Variants in GRM1 observed in about 807,000 individuals in gnomAD.
The protein encoded by GRM1 is metabotropic glutamate receptor 1.
In GRM1, 33 loss-of-function variants were observed where a neutral mutation model predicts 90.9. The ratio of observed to expected loss-of-function variants is 0.36; its 90% CI spans 0.28 to 0.49. The LOEUF is 0.49. Among genes scored for constraint, GRM1 ranks in the 20% least tolerant of loss-of-function variants. GRM1 has a pLI of 0.99. For synonymous variants in GRM1, 700 were observed against 613.2 expected (o/e 1.14, Z -2.09); for missense variants, 1,190 against 1,534.3 (o/e 0.78, Z 3.75).
chr6:146,334,489 G>A (rs566211946), intron 3 of GRM1, among the ~76,000 whole-genome samples: 19 of 152,274 alleles, frequency 1.2e-4, no homozygotes, highest in African/African-American at 4.6e-4. Flanking sequence ...TCTTCTGCAT[G>A]GGCACAGAAC....
intron 3 of GRM1, among the ~76,000 whole-genome samples, chr6:146,345,377 T>C (rs1785146300): frequency 1.3e-5 from 2 of 152,228 alleles, no homozygotes; most frequent in Admixed American, 6.5e-5. Context: ...GGATTTACAA[T>C]GTTAATGCCA....
chr6:146,275,178 A>AAAAAC (rs751270956), intron 2 of GRM1, among the ~76,000 whole-genome samples: 235 of 152,314 alleles, frequency 1.5e-3, no homozygotes, highest in Non-Finnish European at 2.6e-3. Context: ...ACAGAGAGAG[A>AAAAAC]AAAACAAAAC....
chr6:146,370,793 C>A (rs1490665916), intron 5 of GRM1, among the ~76,000 whole-genome samples: 1 of 152,144 alleles, frequency 6.6e-6, no homozygotes, highest in East Asian at 1.9e-4. Flanking sequence ...ATCTACACGT[C>A]CCCTCATTTG....
chr6:146,090,740 A>G lies in GRM1; in HGVS notation c.700+60523A>G, dbSNP rs1024469029. On this transcript the variant is annotated intron_variant, in intron 1 of 7. Coordinates refer to ENST00000282753, the MANE Select transcript of GRM1 (RefSeq NM_001278064.2). Reference sequence around the variant, plus strand: ...TGACGATAAAAGCCACAGAAATCCAATGAAGTCCAAACCCAGGTGGCTTAA... The same window carrying G: ...TGACGATAAAAGCCACAGAAATCCAGTGAAGTCCAAACCCAGGTGGCTTAA... 3.9e-5 allele frequency among the ~76,000 whole-genome samples: 6 copies of G among 152,018 alleles called. No homozygotes were observed. The South Asian group carries it at 6.2e-4, about 16-fold the overall frequency.
chr6:146,428,402 T>G (rs1424702163), intron 7 of GRM1, among the ~76,000 whole-genome samples: 1 of 152,212 alleles, frequency 6.6e-6, no homozygotes, highest in East Asian at 1.9e-4. Flanking sequence ...ACTGTAATTT[T>G]TATTGCAATT....
chr6:146,061,119 C>T (rs1269131150), intron 1 of GRM1, among the ~76,000 whole-genome samples: 1 of 152,084 alleles, frequency 6.6e-6, no homozygotes, highest in African/African-American at 2.4e-5. Flanking sequence ...AAACATACAA[C>T]ATTTATTGAT....
At chr6:146,134,539 C>A (rs1339802212) in intron 1 of GRM1, among the ~76,000 whole-genome samples, 1 of 152,096 alleles carries the variant, frequency 6.6e-6, no homozygotes, top group Admixed American at 6.6e-5. Flanking sequence ...GCAAACATGT[C>A]CTTCTTCACA....
intron 6 of GRM1, among the ~76,000 whole-genome samples, chr6:146,392,867 A>T (rs35384367): frequency 1.3e-5 from 2 of 152,174 alleles, no homozygotes; most frequent in Non-Finnish European, 2.9e-5. Context: ...ACATTAACTC[A>T]TTCTTTTTAT....
chr6:146,301,817 C>T (rs1157249442), intron 2 of GRM1, among the ~76,000 whole-genome samples: 2 of 152,038 alleles, frequency 1.3e-5, no homozygotes, highest in Non-Finnish European at 1.5e-5. Context: ...TTGAGCCTTT[C>T]TGAGCAGACT....
At chr6:146,401,238 A>G (rs1292309269) in intron 7 of GRM1, among the ~76,000 whole-genome samples, 1 of 152,146 alleles carries the variant, frequency 6.6e-6, no homozygotes, top group African/African-American at 2.4e-5. Context: ...GGATGAAGCC[A>G]ATAATGTACG....
chr6:146,200,408 C>G (rs189339912), intron 2 of GRM1, among the ~76,000 whole-genome samples: 1 of 152,300 alleles, frequency 6.6e-6, no homozygotes, highest in African/African-American at 2.4e-5. Flanking sequence ...TTCCCATGAT[C>G]TCTATCAAAT....
At chr6:146,299,285 T>TTTCTCC (rs749185739) in intron 2 of GRM1, among the ~76,000 whole-genome samples, 9 of 152,196 alleles carry the variant, frequency 5.9e-5, no homozygotes, top group Non-Finnish European at 1.2e-4. Flanking sequence ...TTAATATCAC[T>TTTCTCC]TTCTCCTTCC....
At chr6:146,225,302 T>C (rs1780201174) in intron 2 of GRM1, among the ~76,000 whole-genome samples, 1 of 152,124 alleles carries the variant, frequency 6.6e-6, no homozygotes, top group Non-Finnish European at 1.5e-5. Flanking sequence ...GTAATCCTGC[T>C]GTTCTCTTGA....
intron 2 of GRM1, among the ~76,000 whole-genome samples, chr6:146,223,507 A>T (rs755897764): frequency 6.6e-6 from 1 of 152,124 alleles, no homozygotes; most frequent in African/African-American, 2.4e-5. Context: ...CACTGACCTC[A>T]AGACATGTGT....
chr6:146,432,304 T>C (rs1292080849), intron 7 of GRM1, among the ~76,000 whole-genome samples: 1 of 152,230 alleles, frequency 6.6e-6, no homozygotes, highest in East Asian at 1.9e-4. Context: ...TTAGAGCCTT[T>C]ATATCCAGAA....
intron 2 of GRM1, among the ~76,000 whole-genome samples, chr6:146,272,293 A>G (rs1199296797): frequency 2.6e-5 from 4 of 152,228 alleles, no homozygotes; most frequent in Non-Finnish European, 5.9e-5. Context: ...CTAATACTTT[A>G]GCTGAGATTT....
rs1260140098 is a variant in GRM1 at position 146,190,652 on chromosome 6, G to C, written c.950+31055G>C. Reference sequence around the variant, plus strand: ...AATAGAATCACAAATAATAAGAAAAGACAATTTTTGGTCACCATGTTTTGT... The same window carrying C: ...AATAGAATCACAAATAATAAGAAAACACAATTTTTGGTCACCATGTTTTGT... On this transcript the variant is annotated intron_variant, in intron 2 of 7. Coordinates refer to ENST00000282753, the MANE Select transcript of GRM1 (RefSeq NM_001278064.2). Among the ~76,000 whole-genome samples, 13 of 152,206 alleles carry C rather than the reference G, an allele frequency of 8.5e-5. No individual in the cohort carries two copies. The East Asian group carries it at 2.3e-3, about 27-fold the overall frequency.
chr6:146,273,836 A>C (rs151183348), intron 2 of GRM1, among the ~76,000 whole-genome samples: 1 of 152,232 alleles, frequency 6.6e-6, no homozygotes, highest in Admixed American at 6.5e-5. Flanking sequence ...TAGTTACATG[A>C]AAAGGCAATT....
intron 1 of GRM1, among the ~76,000 whole-genome samples, chr6:146,079,548 A>G (rs1776294506): frequency 6.6e-6 from 1 of 152,200 alleles, no homozygotes; most frequent in African/African-American, 2.4e-5. Flanking sequence ...TCCTGTCTCA[A>G]TTATCGAAAA....
Sources: allele counts gnomAD v4.1 joint callset (sites outside exome capture counted in the v4.1 genomes callset), GRCh38; gene constraint gnomAD v4.1.1; transcripts MANE v1.5; gene names NCBI Gene and HGNC (gene_info 2026-07-23, HGNC 2026-07-21).